The following DNAH6 variants were observed in gnomAD, a reference collection of about 807,000 sequenced individuals.
DNAH6 encodes axonemal beta dynein heavy chain 6.
In DNAH6, 340 loss-of-function variants were observed where a neutral mutation model predicts 491.4. The ratio of observed to expected loss-of-function variants is 0.69; its 90% CI spans 0.63 to 0.76. The LOEUF is 0.76. Ranked by LOEUF, DNAH6 falls within the 30% of genes least tolerant of loss-of-function variation. The pLI is 0.00. For missense variants in DNAH6, 4,443 were observed against 4,972.2 expected, an observed-to-expected ratio of 0.89 and a Z score of 3.20; for synonymous variants, 1,603 against 1,686.1, an observed-to-expected ratio of 0.95 and a Z score of 1.21.
At chr2:84,501,353 C>T in the DNAH6 span, among the ~76,000 whole-genome samples, 3 of 151,986 alleles carry the variant, frequency 2.0e-5, no homozygotes, top group East Asian at 3.9e-4. Flanking sequence ...TTGGGTCATC[C>T]GTGCATCCCA....
chr2:84,566,810 T>G (rs914283694), intron 11 of DNAH6, among the ~76,000 whole-genome samples: 2 of 152,028 alleles, frequency 1.3e-5, no homozygotes, highest in Non-Finnish European at 2.9e-5. Flanking sequence ...GTCAGACCAG[T>G]AGAGTAGAAT....
At chr2:84,481,830 C>T in the DNAH6 span, among the ~76,000 whole-genome samples, 2 of 152,344 alleles carry the variant, frequency 1.3e-5, no homozygotes, top group South Asian at 4.1e-4. Flanking sequence ...GGCAGCATTG[C>T]TGAGCAACAC....
In DNAH6 at chr2:84,579,690, T is replaced by G. The variant is rs1167770387; in HGVS notation, c.2229+11T>G. On this transcript the variant is annotated intron_variant, in intron 14 of 76. Transcript: ENST00000389394. The stretch of plus-strand genomic sequence containing the variant: ...GAAATTCAGGAACGGGTGAGTTGAT[T>G]ATCTCATATAACTCAATATTCCAGA... 1.3e-6 allele frequency: 2 copies of G among 1,563,518 alleles called. No individual in the cohort carries two copies. Among genetic ancestry groups the G allele is most frequent in the Non-Finnish European group, 1.7e-6 (2 of 1,157,380 alleles).
intron 59 of DNAH6, among the ~76,000 whole-genome samples, chr2:84,721,026 A>G (rs4832109): frequency 0.18 from 27,073 of 152,126 alleles, 2,598 homozygotes; most frequent in African/African-American, 0.23. Context: ...TATGTCTCAT[A>G]TTCTCTAAAC....
intron 18 of DNAH6, among the ~76,000 whole-genome samples, chr2:84,601,892 A>G (rs1459233221): frequency 1.3e-5 from 2 of 151,902 alleles, no homozygotes; most frequent in African/African-American, 2.4e-5. Flanking sequence ...TTTAGAAGCA[A>G]TTTTTTAGAA....
intron 42 of DNAH6, among the ~76,000 whole-genome samples, chr2:84,682,833 G>T (rs184989724): frequency 6.6e-6 from 1 of 152,242 alleles, no homozygotes; most frequent in Admixed American, 6.5e-5. Flanking sequence ...CCTGTTCAAA[G>T]AGACCCAGCT....
intron 37 of DNAH6, among the ~76,000 whole-genome samples, chr2:84,662,810 G>A (rs1265300166): frequency 4.6e-5 from 7 of 152,218 alleles, no homozygotes; most frequent in African/African-American, 1.7e-4. Flanking sequence ...GCTTCCTTAA[G>A]TGGGTCCTTG....
chr2:84,665,530 C>T (rs1692031940), intron 37 of DNAH6, among the ~76,000 whole-genome samples: 2 of 152,110 alleles, frequency 1.3e-5, no homozygotes, highest in African/African-American at 2.4e-5. Context: ...GACACATACA[C>T]CCTCCCAAGA....
chr2:84,747,143 T>C (rs1285256648), intron 63 of DNAH6, among the ~76,000 whole-genome samples: 1 of 152,108 alleles, frequency 6.6e-6, no homozygotes, highest in Non-Finnish European at 1.5e-5. Flanking sequence ...AAATCTCATG[T>C]CCTTCTCATA....
At chr2:84,720,088 T>C (rs1697952619) in intron 59 of DNAH6, among the ~76,000 whole-genome samples, 1 of 152,110 alleles carries the variant, frequency 6.6e-6, no homozygotes, top group South Asian at 2.1e-4. Context: ...CACTCTGTTT[T>C]AGTTCCTTCC....
At chr2:84,804,237 CA>C (rs1679210644) in intron 70 of DNAH6, among the ~76,000 whole-genome samples, 1 of 144,002 alleles carries the variant, frequency 6.9e-6, no homozygotes. Flanking sequence ...CTAATAAAAT[CA>C]AAAAACTAGA....
At chr2:84,622,019 TTAGCTATAG>T (rs1425846774) in intron 26 of DNAH6, among the ~76,000 whole-genome samples, 1 of 152,228 alleles carries the variant, frequency 6.6e-6, no homozygotes, top group East Asian at 1.9e-4. Flanking sequence ...TCAGGAACTT[TTAGCTATAG>T]CTGGGAAATG....
At chr2:84,516,141 T>C (rs1258205639), upstream of DNAH6, among the ~76,000 whole-genome samples, 1 of 152,186 alleles carries the variant, frequency 6.6e-6, no homozygotes, top group African/African-American at 2.4e-5. Flanking sequence ...AAAGTGAACG[T>C]CAAGTCAGTC....
At position 84,518,070 on chromosome 2, in the gene DNAH6, G is replaced by GT; in HGVS notation, c.225+23dup. The GT allele has an allele frequency of 6.6e-7, 1 of 1,517,394 alleles. No individual in the cohort carries two copies. Among genetic ancestry groups the GT allele is most frequent in the South Asian group, 1.3e-5 (1 of 78,310 alleles). The allele number at this position is 1,517,394 out of a possible 1,614,324, so 94.0% of individuals were successfully genotyped here. ...GCCTTTGGTAAGTTCAAAAACCATT[G>GT]TTTTAGCCTCTGTAGCCACAGAGGA... On this transcript the variant is annotated intron_variant, in intron 2 of 76. Coordinates refer to ENST00000389394, the MANE Select transcript of DNAH6 (RefSeq NM_001370.2).
chr2:84,524,273 C>T (rs1237121428), intron 2 of DNAH6, among the ~76,000 whole-genome samples: 1 of 151,564 alleles, frequency 6.6e-6, no homozygotes, highest in South Asian at 2.1e-4. Flanking sequence ...ATTGCAACCC[C>T]TGCTTTTTTC....
chr2:84,682,079 C>T lies in DNAH6; in HGVS notation c.6916+551C>T, dbSNP rs528645732. Among the ~76,000 whole-genome samples, 11 of 152,346 alleles carry T rather than the reference C, an allele frequency of 7.2e-5. 1 individual carries two copies. The highest frequency in any genetic ancestry group is 6.5e-4 in the Admixed American group (10 of 15,310). Reference sequence around the variant, plus strand: ...TTCTCTGCTCTTTCTAGAAAGACCTCTTAAAGAATGGTCTCTCCTCCCTGT... The same window carrying T: ...TTCTCTGCTCTTTCTAGAAAGACCTTTTAAAGAATGGTCTCTCCTCCCTGT... On this transcript the variant is annotated intron_variant, in intron 42 of 76. Transcript: ENST00000389394.
intron 4 of DNAH6, among the ~76,000 whole-genome samples, chr2:84,537,934 T>G (rs115233660): frequency 1.3e-5 from 2 of 152,094 alleles, no homozygotes; most frequent in African/African-American, 4.8e-5. Flanking sequence ...TACTGCAACA[T>G]GATAGTATTA....
chr2:84,750,271 A>C (rs1392704615), intron 63 of DNAH6, among the ~76,000 whole-genome samples: 1 of 147,130 alleles, frequency 6.8e-6, no homozygotes, highest in Non-Finnish European at 1.5e-5. Context: ...CACTCACTGC[A>C]ACCTCTGCTC....
At chr2:84,678,103 G>T (rs2104710278) in intron 41 of DNAH6, among the ~76,000 whole-genome samples, 1 of 152,248 alleles carries the variant, frequency 6.6e-6, no homozygotes, top group South Asian at 2.1e-4. Flanking sequence ...TACATGGAAA[G>T]GAATTTTCTG....
Sources: allele counts gnomAD v4.1 joint callset (sites outside exome capture counted in the v4.1 genomes callset), GRCh38; gene constraint gnomAD v4.1.1; transcripts MANE v1.5; gene names NCBI Gene and HGNC (gene_info 2026-07-23, HGNC 2026-07-21).